The following PEMT variants were observed in gnomAD, a reference collection of about 807,000 sequenced individuals.
PEMT encodes phosphatidylethanolamine N-methyltransferase, also known as phospholipid methyltransferase.
Under a neutral mutation model 27.4 loss-of-function variants are expected in PEMT, and 23 were observed. That is an observed-to-expected ratio of 0.84 (90% confidence interval 0.60 to 1.19). PEMT has a LOEUF of 1.19. Among genes scored for constraint, PEMT ranks in the 50% most tolerant of loss-of-function variants. The pLI is 0.00. For missense variants in PEMT, 307 were observed against 310.1 expected (o/e 0.99, Z 0.07); for synonymous variants, 137 against 139.1 (o/e 0.98, Z 0.11).
At chr17:17,510,584 G>C (rs1420951526) in intron 4 of PEMT, among the ~76,000 whole-genome samples, 2 of 152,216 alleles carry the variant, frequency 1.3e-5, no homozygotes, top group Non-Finnish European at 2.9e-5. Context: ...GGCACAGGGT[G>C]TGCGTAGATG....
rs73298550 is a variant in PEMT at position 17,559,463 on chromosome 17, G to A, written c.204+17457C>T. On this transcript the variant is annotated intron_variant, in intron 2 of 6. Transcript: ENST00000255389. Reference sequence around the variant, plus strand: ...AGAGGCCTGTCGGGGAAGGGAACCCGCTGTGAAGGGGGCCAGCCAGAGCCT... The same window carrying A: ...AGAGGCCTGTCGGGGAAGGGAACCCACTGTGAAGGGGGCCAGCCAGAGCCT... 6.0e-3 allele frequency among the ~76,000 whole-genome samples: 912 copies of A among 152,322 alleles called. 13 individuals are homozygous for A. The highest frequency in any genetic ancestry group is 0.02 in the African/African-American group (829 of 41,568).
intron 2 of PEMT, among the ~76,000 whole-genome samples, chr17:17,560,957 C>G (rs1170804073): frequency 6.6e-6 from 1 of 152,056 alleles, no homozygotes; most frequent in African/African-American, 2.4e-5. Flanking sequence ...CTGGGCCTGG[C>G]CTGACACACG....
rs980846102 is a variant in PEMT, at chr17:17,561,827, C to T, written c.204+15093G>A. ...ACATGGGGGTACCACTTCCACGTGGCTACCTCACGCGGACGCCCCACGTGC... is the reference window on the plus strand; with the variant it reads ...ACATGGGGGTACCACTTCCACGTGGTTACCTCACGCGGACGCCCCACGTGC... On this transcript the variant is annotated intron_variant, in intron 2 of 6. Coordinates refer to ENST00000255389, the MANE Select transcript of PEMT (RefSeq NM_148172.3). The surrounding 1 kb of genome is among the most constrained non-coding windows in gnomAD (Gnocchi z 4.5). Among the ~76,000 whole-genome samples, 3 of 152,248 alleles carry T rather than the reference C, an allele frequency of 2.0e-5. No homozygotes were observed. The highest frequency in any genetic ancestry group is 7.2e-5 in the African/African-American group (3 of 41,464).
chr17:17,570,146 G>A (rs1212762637), intron 2 of PEMT, among the ~76,000 whole-genome samples: 3 of 152,238 alleles, frequency 2.0e-5, no homozygotes, highest in Non-Finnish European at 4.4e-5. Flanking sequence ...CTGGGCACAG[G>A]CACTGAGCTA....
chr17:17,585,850 A>AG (rs1912213874), intron 1 of PEMT, among the ~76,000 whole-genome samples: 2 of 152,070 alleles, frequency 1.3e-5, no homozygotes, highest in South Asian at 4.1e-4. Context: ...TGAGAGGCTG[A>AG]GGCGGGCGTA....
chr17:17,590,242 A>T (rs1452665905), intron 1 of PEMT, among the ~76,000 whole-genome samples: 1 of 152,244 alleles, frequency 6.6e-6, no homozygotes, highest in Non-Finnish European at 1.5e-5. Flanking sequence ...TTACTAAAGT[A>T]ATAGTCTTCT....
At chr17:17,588,514 G>C (rs540642382) in intron 1 of PEMT, among the ~76,000 whole-genome samples, 1 of 152,190 alleles carries the variant, frequency 6.6e-6, no homozygotes, top group Admixed American at 6.5e-5. Flanking sequence ...ACTTCATAAA[G>C]CTTTACACCC....
intron 2 of PEMT, 121 bp downstream of exon 2, chr17:17,576,799 G>A: frequency 1.3e-6 from 1 of 768,022 alleles, no homozygotes; most frequent in Non-Finnish European, 2.3e-6. Flanking sequence ...AGACACGGGA[G>A]GGAAGAGCAG....
chr17:17,591,416 T>C (rs950697287), intron 1 of PEMT, 115 bp downstream of exon 1: 3 of 881,958 alleles, frequency 3.4e-6, no homozygotes, highest in Non-Finnish European at 3.4e-6. Context: ...ACGCCCCCAT[T>C]GCCTGGGAAC....
chr17:17,557,492 C>T (rs1006789873), intron 2 of PEMT, among the ~76,000 whole-genome samples: 1 of 152,228 alleles, frequency 6.6e-6, no homozygotes, highest in Non-Finnish European at 1.5e-5. Context: ...GCCTCAGAGG[C>T]TCCTGGCTCG....
intron 3 of PEMT, among the ~76,000 whole-genome samples, chr17:17,520,026 GCT>G: frequency 6.6e-6 from 1 of 152,180 alleles, no homozygotes; most frequent in African/African-American, 2.4e-5. Flanking sequence ...TGGTGGAACA[GCT>G]CAGCGTGCCA....
At chr17:17,578,432 G>C (rs933185717) in intron 1 of PEMT, among the ~76,000 whole-genome samples, 2 of 151,962 alleles carry the variant, frequency 1.3e-5, no homozygotes, top group Non-Finnish European at 2.9e-5. Flanking sequence ...CCAGGTGTTC[G>C]AGGCTGTAGT....
intron 2 of PEMT, among the ~76,000 whole-genome samples, chr17:17,535,256 T>C (rs1004695430): frequency 6.6e-6 from 1 of 152,172 alleles, no homozygotes; most frequent in African/African-American, 2.4e-5. Context: ...GAATGTTTAA[T>C]GTATTATATT....
intron 3 of PEMT, among the ~76,000 whole-genome samples, chr17:17,514,754 CT>C (rs1479837521): frequency 6.6e-6 from 1 of 152,258 alleles, no homozygotes; most frequent in Non-Finnish European, 1.5e-5. Context: ...GCCTGGCACC[CT>C]CCACTCTCCT....
At chr17:17,588,246 A>G (rs1461738904) in intron 1 of PEMT, among the ~76,000 whole-genome samples, 3 of 152,226 alleles carry the variant, frequency 2.0e-5, no homozygotes, top group South Asian at 2.1e-4. Context: ...CTCATCTAAT[A>G]TAACGGCCTA....
chr17:17,542,908 C>A (rs559516016), intron 2 of PEMT, among the ~76,000 whole-genome samples: 1 of 152,230 alleles, frequency 6.6e-6, no homozygotes, highest in Non-Finnish European at 1.5e-5. Flanking sequence ...AGCTGCCGTT[C>A]CTGCACACTG....
At chr17:17,579,553 C>T (rs1012307975) in intron 1 of PEMT, among the ~76,000 whole-genome samples, 1 of 152,202 alleles carries the variant, frequency 6.6e-6, no homozygotes, top group Non-Finnish European at 1.5e-5. Flanking sequence ...TGGTGCATGC[C>T]TATAATCCCA....
intron 2 of PEMT, among the ~76,000 whole-genome samples, chr17:17,567,992 T>G (rs1164635922): frequency 6.6e-6 from 1 of 152,120 alleles, no homozygotes; most frequent in Non-Finnish European, 1.5e-5. Flanking sequence ...TCTCAGACAG[T>G]TTGGCTCATG....
chr17:17,586,232 G>T (rs560427411), intron 1 of PEMT, among the ~76,000 whole-genome samples: 11 of 75,972 alleles, frequency 1.4e-4, no homozygotes, highest in Non-Finnish European at 2.1e-4. Flanking sequence ...AAGAAAGAAA[G>T]AAAGAAAGAA....
Sources: allele counts gnomAD v4.1 joint callset (sites outside exome capture counted in the v4.1 genomes callset), GRCh38; gene constraint gnomAD v4.1.1; non-coding constraint Gnocchi (gnomAD v3.1); transcripts MANE v1.5; gene names NCBI Gene and HGNC (gene_info 2026-07-23, HGNC 2026-07-21).